The following APCDD1L variants were observed in gnomAD, a reference collection of about 807,000 sequenced individuals.
APCDD1L encodes the protein APC down-regulated 1 like, also known as protein APCDD1-like.
APCDD1L carries 21 observed loss-of-function variants against 24.2 expected under a neutral mutation model. That is an observed-to-expected ratio of 0.87 (90% CI 0.61 to 1.25). APCDD1L has a LOEUF of 1.25. APCDD1L is among the 50% of genes most tolerant of loss of function. The pLI, the probability that APCDD1L is intolerant of heterozygous loss-of-function variation, is 0.00. For missense variants in APCDD1L, 704 were observed against 711.7 expected (o/e 0.99, Z 0.12); for synonymous variants, 321 against 323.6 (o/e 0.99, Z 0.09).
intron 1 of APCDD1L, among the ~76,000 whole-genome samples, chr20:58,484,032 T>G (rs1438739898): frequency 6.6e-6 from 1 of 152,188 alleles, no homozygotes; most frequent in Non-Finnish European, 1.5e-5. Flanking sequence ...GGATGCCCAG[T>G]TAAATCTGAT....
intron 3 of APCDD1L, among the ~76,000 whole-genome samples, chr20:58,466,125 CAAAAAAAAA>C (rs35123325): frequency 8.3e-6 from 1 of 120,438 alleles, no homozygotes; most frequent in Non-Finnish European, 1.7e-5. Context: ...GCTCATCTGG[CAAAAAAAAA>C]AAAAAAAAAG....
chr20:58,496,371 C>G (rs948386598), intron 1 of APCDD1L, among the ~76,000 whole-genome samples: 6 of 152,222 alleles, frequency 3.9e-5, no homozygotes, highest in African/African-American at 1.4e-4. Context: ...GGGTTGTGGC[C>G]CAATGAGACA....
chr20:58,498,296 C>A (rs1165113539), intron 1 of APCDD1L, among the ~76,000 whole-genome samples: 1 of 152,142 alleles, frequency 6.6e-6, no homozygotes, highest in Non-Finnish European at 1.5e-5. Context: ...TTCGGAAGGG[C>A]AGCATTCTAA....
chr20:58,470,719 G>A lies in APCDD1L; in HGVS notation c.78C>T (p.Ala26=), dbSNP rs1233825718. The change falls in exon 2 of 4, where the codon GCC becomes GCT. Residue 26 remains alanine, a synonymous_variant. Coordinates refer to ENST00000371149, the MANE Select transcript of APCDD1L (RefSeq NM_153360.3). Reference sequence around the variant, plus strand: ...GTTCCCAGCGCAGGCAGCTGCCCCCGGCCTCCCCAGCCGCCGGTGCAGTGT... The same window carrying A: ...GTTCCCAGCGCAGGCAGCTGCCCCCAGCCTCCCCAGCCGCCGGTGCAGTGT... ...GAHTAPAAGE[A]GGSCLRWEPH... The A allele has an allele frequency of 1.9e-5, 29 of 1,542,068 alleles. No homozygotes were observed. Among genetic ancestry groups the A allele is most frequent in the Non-Finnish European group, 2.4e-5 (27 of 1,147,028 alleles).
At position 58,514,983 on chromosome 20, in the gene APCDD1L, C is replaced by T. The variant is rs954611878; in HGVS notation, c.-276G>A. 1.5e-5 allele frequency: 5 copies of T among 332,094 alleles called. No homozygotes were observed. Among genetic ancestry groups the T allele is most frequent in the Non-Finnish European group, 2.7e-5 (5 of 184,136 alleles). The allele number at this position is 332,094 out of a possible 1,614,324, so 20.6% of individuals were successfully genotyped here. On this transcript the variant is annotated 5_prime_UTR_variant, in exon 1 of 4. Coordinates refer to ENST00000371149, the MANE Select transcript of APCDD1L (RefSeq NM_153360.3). ...GCGCACACCCGCGCAGCGCGCACAG[C>T]CCCCTGGTGCAGCTCCTGCCATTCA...
chr20:58,511,263 A>G (rs1167104842), intron 1 of APCDD1L, among the ~76,000 whole-genome samples: 1 of 152,228 alleles, frequency 6.6e-6, no homozygotes, highest in African/African-American at 2.4e-5. Context: ...TTCCTTCTCA[A>G]GAGCCCCCCA....
At chr20:58,474,876 C>A (rs1989877982) in intron 1 of APCDD1L, among the ~76,000 whole-genome samples, 1 of 152,166 alleles carries the variant, frequency 6.6e-6, no homozygotes, top group African/African-American at 2.4e-5. Flanking sequence ...TCAGCAGTCA[C>A]TCCCGCTCCC....
chr20:58,464,543 C>T (rs1211281467), intron 3 of APCDD1L, among the ~76,000 whole-genome samples: 1 of 152,222 alleles, frequency 6.6e-6, no homozygotes, highest in Non-Finnish European at 1.5e-5. Context: ...CAAACTCTTA[C>T]TCGTTTAAGC....
chr20:58,502,916 A>G (rs2123187688), intron 1 of APCDD1L, among the ~76,000 whole-genome samples: 1 of 152,302 alleles, frequency 6.6e-6, no homozygotes. Flanking sequence ...CTAGAGACTC[A>G]GGGGCCCAAC....
intron 1 of APCDD1L, among the ~76,000 whole-genome samples, chr20:58,480,287 T>C (rs1481962874): frequency 6.6e-6 from 1 of 152,064 alleles, no homozygotes; most frequent in East Asian, 1.9e-4. Context: ...CTCAGTGCAC[T>C]CAGAGAGTTG....
chr20:58,501,304 G>T (rs1003002010), intron 1 of APCDD1L, among the ~76,000 whole-genome samples: 1 of 152,140 alleles, frequency 6.6e-6, no homozygotes, highest in Non-Finnish European at 1.5e-5. Context: ...ACTGTATTTG[G>T]AGACAGGGCT....
In APCDD1L at chr20:58,467,658, G is replaced by A. The variant is rs576719136; in HGVS notation, c.189C>T (p.Gly63=). The A allele has an allele frequency of 4.7e-6, 7 of 1,491,586 alleles. No individual in the cohort carries two copies. Among genetic ancestry groups the A allele is most frequent in the African/African-American group, 1.4e-5 (1 of 69,542 alleles). The allele number at this position is 1,491,586 out of a possible 1,614,324, so 92.4% of individuals were successfully genotyped here. A position where few individuals can be genotyped will look rare whatever the true frequency, so the allele number is the denominator to read the frequency against. The change falls in exon 3 of 4, where the codon GGC becomes GGT. Residue 63 remains glycine, a splice_region_variant and synonymous_variant. Coordinates refer to ENST00000371149, the MANE Select transcript of APCDD1L (RefSeq NM_153360.3). The surrounding 1 kb of genome is among the most constrained non-coding windows in gnomAD (Gnocchi z 5.9). ...ACTCCGGTCCTGGGCGCACCTCGCA[G>A]CTGCAGGGGTGGAAGGAGATGGGCT... ...PRLNGPWIST[G]CEVRPGPEFL... is the part of the protein sequence containing the mutation.
At chr20:58,510,752 G>A (rs949479388) in intron 1 of APCDD1L, among the ~76,000 whole-genome samples, 2 of 152,186 alleles carry the variant, frequency 1.3e-5, no homozygotes, top group Non-Finnish European at 2.9e-5. Flanking sequence ...AGAATGACAG[G>A]AGACAGCAGC....
chr20:58,470,579 G>T, intron 2 of APCDD1L, 30 bp downstream of exon 2: 1 of 1,569,942 alleles, frequency 6.4e-7, no homozygotes, highest in Non-Finnish European at 8.6e-7. Flanking sequence ...CAGTCCAGGG[G>T]TCCATGGTCA....
intron 1 of APCDD1L, among the ~76,000 whole-genome samples, chr20:58,513,581 C>T (rs1990674992): frequency 6.6e-6 from 1 of 152,186 alleles, no homozygotes; most frequent in Admixed American, 6.5e-5. Flanking sequence ...TTAGACTTTG[C>T]TCCTTGCCTA....
At chr20:58,475,688 C>G (rs1052436085) in intron 1 of APCDD1L, among the ~76,000 whole-genome samples, 6 of 152,040 alleles carry the variant, frequency 3.9e-5, no homozygotes, top group African/African-American at 1.4e-4. Flanking sequence ...ACGACAAAGA[C>G]CACACGCTGA....
At position 58,489,736 on chromosome 20, in the gene APCDD1L, G is replaced by A. The variant is rs182716316; in HGVS notation, c.50-18989C>T. The stretch of plus-strand genomic sequence containing the variant: ...AATCACTCCAGTTTTACATAAACTC[G>A]TCCAGAAAGTAGAAAAAGGGTGCAA... On this transcript the variant is annotated intron_variant, in intron 1 of 3. Transcript: ENST00000371149. 8.8e-4 allele frequency among the ~76,000 whole-genome samples: 134 copies of A among 151,710 alleles called. 1 individual carries two copies. The highest frequency in any genetic ancestry group is 3.2e-3 in the African/African-American group (133 of 41,396).
At chr20:58,466,586 C>T (rs1370779776) in intron 3 of APCDD1L, among the ~76,000 whole-genome samples, 2 of 152,250 alleles carry the variant, frequency 1.3e-5, no homozygotes, top group Non-Finnish European at 2.9e-5. Flanking sequence ...TCCTGATCGT[C>T]GGCCTGACCC....
chr20:58,467,387 C>T lies in APCDD1L; in HGVS notation c.460G>A (p.Ala154Thr), dbSNP rs1989732081. The T allele has an allele frequency of 6.6e-7, 1 of 1,513,738 alleles. No homozygotes were observed. The highest frequency in any genetic ancestry group is 2.6e-5 in the East Asian group (1 of 37,772). The allele number at this position is 1,513,738 out of a possible 1,614,324, so 93.8% of individuals were successfully genotyped here. A position where few individuals can be genotyped will look rare whatever the true frequency, so the allele number is the denominator to read the frequency against. Residue 154 changes from alanine to threonine, a missense_variant, in exon 3 of 4, where the codon GCC becomes ACC. Coordinates refer to ENST00000371149, the MANE Select transcript of APCDD1L (RefSeq NM_153360.3). The surrounding 1 kb of genome is among the most constrained non-coding windows in gnomAD (Gnocchi z 5.9). ...DVTGRLNQTR[A>T]GRDCARRLPP... ...AGCCGCCGCGCGCAGTCCCGGCCGG[C>T]GCGGGTCTGGTTGAGGCGCCCGGTG... is the stretch of plus-strand genomic sequence containing the variant.
Sources: gnomAD v4.1 joint callset for allele counts (sites outside exome capture counted in the v4.1 genomes callset) on GRCh38, gnomAD v4.1.1 for gene constraint, Gnocchi (gnomAD v3.1) non-coding constraint, MANE v1.5 for transcripts, NCBI Gene and HGNC (gene_info 2026-07-23, HGNC 2026-07-21) for gene names.